The following GUCY1A2 variants were observed in gnomAD, a reference collection of about 807,000 sequenced individuals.
The protein encoded by GUCY1A2 is guanylate cyclase soluble subunit alpha-2.
In GUCY1A2, 27 loss-of-function variants were observed where a neutral mutation model predicts 63.5. That is an observed-to-expected ratio of 0.43 (90% confidence interval 0.31 to 0.59). The LOEUF (loss-of-function observed/expected upper bound fraction) is 0.59. Ranked by LOEUF, GUCY1A2 falls within the 20% of genes least tolerant of loss-of-function variation. The pLI is 0.11. For missense variants in GUCY1A2, 768 were observed against 913.3 expected (o/e 0.84, Z 2.05); for synonymous variants, 364 against 343.5 (o/e 1.06, Z -0.66).
intron 6 of GUCY1A2, among the ~76,000 whole-genome samples, chr11:106,720,447 T>C (rs1591246878): frequency 6.6e-6 from 1 of 152,180 alleles, no homozygotes; most frequent in African/African-American, 2.4e-5. Flanking sequence ...GGCTTTGGAA[T>C]CTGACCCATC....
chr11:106,961,698 G>A (rs1861060034), intron 3 of GUCY1A2, among the ~76,000 whole-genome samples: 1 of 152,154 alleles, frequency 6.6e-6, no homozygotes, highest in South Asian at 2.1e-4. Flanking sequence ...TCTCTTCTCA[G>A]CACATTCCTA....
intron 5 of GUCY1A2, among the ~76,000 whole-genome samples, chr11:106,790,556 G>A (rs1053173767): frequency 6.6e-6 from 1 of 152,078 alleles, no homozygotes; most frequent in Non-Finnish European, 1.5e-5. Context: ...TTCTCAACCA[G>A]ATGAAGTCGC....
intron 4 of GUCY1A2, among the ~76,000 whole-genome samples, chr11:106,868,627 A>G (rs1859628925): frequency 6.6e-6 from 1 of 152,196 alleles, no homozygotes. Context: ...AAATGGAAGA[A>G]CATTCCATGC....
chr11:106,837,719 T>C (rs112420541), intron 4 of GUCY1A2, among the ~76,000 whole-genome samples: 1 of 151,944 alleles, frequency 6.6e-6, no homozygotes, highest in African/African-American at 2.4e-5. Flanking sequence ...ACCCACACAG[T>C]TCAAATCTGT....
intron 4 of GUCY1A2, among the ~76,000 whole-genome samples, chr11:106,933,949 T>C (rs1860640808): frequency 6.6e-6 from 1 of 152,054 alleles, no homozygotes; most frequent in Non-Finnish European, 1.5e-5. Context: ...TGAAGACTAC[T>C]GGATGGGAAA....
intron 4 of GUCY1A2, chr11:106,827,880 G>T (rs1473843812): frequency 1.3e-6 from 2 of 1,576,250 alleles, no homozygotes; most frequent in African/African-American, 1.3e-5. Flanking sequence ...GGGAGGGCGC[G>T]CTGCCTTCAT....
rs568139219 is a variant in GUCY1A2 at position 107,015,561 on chromosome 11, C to CAAAAAAAAAA, written c.303+2182_303+2191dup. ...TTAGAAATCTGTAAATTCTCTTAGG[C>CAAAAAAAAAA]AAAAAAAAAAAAAAAAAAAAAAAAA... On this transcript the variant is annotated intron_variant, in intron 1 of 7. Transcript: ENST00000526355. 3.6e-4 allele frequency among the ~76,000 whole-genome samples: 10 copies of CAAAAAAAAAA among 27,508 alleles called. 3 individuals are homozygous for CAAAAAAAAAA. Among genetic ancestry groups the CAAAAAAAAAA allele is most frequent in the African/African-American group, 1.1e-3 (10 of 8,754 alleles). 18.0% of individuals were successfully genotyped at this position (27,508 alleles called of 152,430 possible). A position where few individuals can be genotyped will look rare whatever the true frequency, so the allele number is the denominator to read the frequency against.
intron 4 of GUCY1A2, among the ~76,000 whole-genome samples, chr11:106,871,677 A>G (rs1029955125): frequency 6.6e-6 from 1 of 152,214 alleles, no homozygotes; most frequent in South Asian, 2.1e-4. Flanking sequence ...AGTCACATTC[A>G]CATGGAAAAT....
At chr11:106,713,215 G>T (rs1309456202) in intron 6 of GUCY1A2, among the ~76,000 whole-genome samples, 1 of 152,092 alleles carries the variant, frequency 6.6e-6, no homozygotes, top group Non-Finnish European at 1.5e-5. Flanking sequence ...CCACTGTCAT[G>T]AAAACTGTTC....
At chr11:106,726,274 G>A (rs188910312) in intron 6 of GUCY1A2, among the ~76,000 whole-genome samples, 188 of 152,182 alleles carry the variant, frequency 1.2e-3, no homozygotes, top group African/African-American at 4.4e-3. Flanking sequence ...AAATTAGCCA[G>A]TCATGGTGGC....
intron 4 of GUCY1A2, among the ~76,000 whole-genome samples, chr11:106,907,560 G>A (rs1044586310): frequency 1.3e-5 from 2 of 149,342 alleles, no homozygotes; most frequent in East Asian, 2.0e-4. Context: ...CCCGCCTCCC[G>A]CCACCCCACA....
At chr11:106,928,467 G>A (rs186893534) in intron 4 of GUCY1A2, among the ~76,000 whole-genome samples, 2 of 150,394 alleles carry the variant, frequency 1.3e-5, no homozygotes, top group Admixed American at 1.3e-4. Context: ...TCAGATTTTT[G>A]ACCCCCCTGT....
At chr11:106,790,781 G>T (rs545787025) in intron 5 of GUCY1A2, among the ~76,000 whole-genome samples, 8 of 152,176 alleles carry the variant, frequency 5.3e-5, no homozygotes, top group Non-Finnish European at 1.0e-4. Flanking sequence ...AAATGTCTGG[G>T]AACTAGTGCC....
At chr11:106,794,268 C>T (rs1864714781) in intron 5 of GUCY1A2, among the ~76,000 whole-genome samples, 1 of 152,082 alleles carries the variant, frequency 6.6e-6, no homozygotes, top group African/African-American at 2.4e-5. Context: ...TATGATCTCA[C>T]TTATGTGGAA....
chr11:106,968,818 T>G (rs143595677), intron 3 of GUCY1A2, among the ~76,000 whole-genome samples: 139 of 2,382 alleles, frequency 0.058, no homozygotes, highest in African/African-American at 0.2. Flanking sequence ...TTACCATTTC[T>G]CAAGGTTAAG....
At position 106,827,984 on chromosome 11, in the gene GUCY1A2, G is replaced by A. The variant is rs189052932; in HGVS notation, c.1207-17506C>T. The A allele has an allele frequency of 3.4e-4, 258 of 769,500 alleles. 1 individual carries two copies. The East Asian group carries it at 6.3e-3, about 19-fold the overall frequency. The allele number at this position is 769,500 out of a possible 1,614,324, so 47.7% of individuals were successfully genotyped here. A position where few individuals can be genotyped will look rare whatever the true frequency, so the allele number is the denominator to read the frequency against. ...AAGCAGCCGCGAGGCGGTCACTTCC[G>A]GTGCCTTATCCAGAGAATCCGACCT... is the stretch of plus-strand genomic sequence containing the variant. On this transcript the variant is annotated intron_variant, in intron 4 of 7. Transcript: ENST00000526355.
rs201149693 is a variant in GUCY1A2, at chr11:106,940,121, A to G, written c.545T>C (p.Phe182Ser). ...RFGEEFFNIC[F>S]HENERVLRAV... The stretch of plus-strand genomic sequence containing the variant: ...TCGAAGGACTCTCTCATTCTCATGA[A>G]AGCATATATTAAAGAACTCTTCACC... Residue 182 changes from phenylalanine to serine, a missense_variant, in exon 4 of 8, where the codon TTT becomes TCT. Physicochemically the swap from Phe to Ser is radical, Grantham distance 155. Transcript: ENST00000526355. 2 of 1,612,228 alleles carry G rather than the reference A, an allele frequency of 1.2e-6. No individual in the cohort carries two copies. Among genetic ancestry groups the G allele is most frequent in the East Asian group, 2.2e-5 (1 of 44,870 alleles).
chr11:106,735,023 G>A (rs1863565198), intron 6 of GUCY1A2, among the ~76,000 whole-genome samples: 2 of 151,620 alleles, frequency 1.3e-5, no homozygotes, highest in South Asian at 2.1e-4. Flanking sequence ...TATATAGAAG[G>A]TATATATATT....
chr11:107,017,713 T>C, intron 1 of GUCY1A2, 40 bp downstream of exon 1: 2 of 1,216,604 alleles, frequency 1.6e-6, no homozygotes, highest in South Asian at 1.9e-5. Context: ...ATCCGCGTTC[T>C]CTCCCCCGAA....
Sources: allele counts gnomAD v4.1 joint callset (sites outside exome capture counted in the v4.1 genomes callset), GRCh38; gene constraint gnomAD v4.1.1; transcripts MANE v1.5; gene names NCBI Gene and HGNC (gene_info 2026-07-23, HGNC 2026-07-21).